The following PROM1 variants were observed in gnomAD, a reference collection of about 807,000 sequenced individuals.
The protein encoded by PROM1 is prominin 1.
In PROM1, 105 loss-of-function variants were observed where a neutral mutation model predicts 116.9. That is an observed-to-expected ratio of 0.90 (90% CI 0.77 to 1.06). The LOEUF (loss-of-function observed/expected upper bound fraction) is 1.06. Ranked by LOEUF, PROM1 falls within the 50% of genes least tolerant of loss-of-function variation. The probability of loss-of-function intolerance (pLI) is 0.00; values close to 1 mark genes in which losing one functional copy is unlikely to be tolerated. For synonymous variants in PROM1, 393 were observed against 387.0 expected, an observed-to-expected ratio of 1.02 and a Z score of -0.18; for missense variants, 1,122 against 1,045.2, an observed-to-expected ratio of 1.07 and a Z score of -1.01.
chr4:15,998,621 C>G, intron 14 of PROM1, 133 bp from the exon 15 acceptor site: 1 of 967,546 alleles, frequency 1.0e-6, no homozygotes. Context: ...TGATTTCCAA[C>G]TTATAACTAG....
chr4:16,013,302 G>A lies in PROM1; in HGVS notation c.1114C>T (p.Gln372Ter). The A allele has an allele frequency of 6.2e-7, 1 of 1,609,280 alleles. No homozygotes were observed. ...GCTACGACAGTCGTGGTTTGGCGTTGTACTCTGTCAGGTATATCATTAAGG... is the reference window on the plus strand; with the variant it reads ...GCTACGACAGTCGTGGTTTGGCGTTATACTCTGTCAGGTATATCATTAAGG... ...QSLNDIPDRV[Q>*]RQTTTVVAGI... is the part of the protein sequence containing the mutation. The change falls in exon 11 of 28, where the codon CAA becomes TAA. Residue 372 changes from glutamine (Q) to a stop codon, truncating the protein, a stop_gained. Transcript: ENST00000447510. LOFTEE classifies it high-confidence loss of function.
chr4:16,056,974 A>G (rs951544018), intron 2 of PROM1, among the ~76,000 whole-genome samples: 8 of 152,208 alleles, frequency 5.3e-5, no homozygotes, highest in African/African-American at 1.9e-4. Context: ...CGAGCAAATT[A>G]GTCTTCAGGA....
chr4:16,081,049 ATATATG>A (rs905371955), intron 1 of PROM1, among the ~76,000 whole-genome samples: 29 of 150,192 alleles, frequency 1.9e-4, no homozygotes, highest in Non-Finnish European at 3.4e-4. Flanking sequence ...ATATACATAT[ATATATG>A]TATATGTATA....
At chr4:16,028,082 G>A (rs1274980936) in intron 5 of PROM1, among the ~76,000 whole-genome samples, 2 of 139,598 alleles carry the variant, frequency 1.4e-5, no homozygotes, top group Admixed American at 6.8e-5. Context: ...TTGGGACACC[G>A]ACATGGGATA....
intron 2 of PROM1, among the ~76,000 whole-genome samples, chr4:16,054,681 T>C (rs1382782214): frequency 1.3e-5 from 2 of 152,192 alleles, no homozygotes; most frequent in African/African-American, 4.8e-5. Context: ...CCAATACATA[T>C]TGAGCAATTA....
At chr4:15,974,080 T>G (rs1478010264) in intron 26 of PROM1, among the ~76,000 whole-genome samples, 1 of 148,226 alleles carries the variant, frequency 6.7e-6, no homozygotes, top group Non-Finnish European at 1.5e-5. Flanking sequence ...CACACACACA[T>G]ACAGACACAC....
intron 19 of PROM1, among the ~76,000 whole-genome samples, chr4:15,988,395 G>A (rs1173655861): frequency 6.6e-6 from 1 of 152,236 alleles, no homozygotes; most frequent in Non-Finnish European, 1.5e-5. Flanking sequence ...AACTTTATCT[G>A]TAAAACACCA....
At chr4:16,045,877 G>T (rs772216268) in intron 2 of PROM1, among the ~76,000 whole-genome samples, 3 of 152,144 alleles carry the variant, frequency 2.0e-5, no homozygotes, top group Non-Finnish European at 2.9e-5. Context: ...CTCATTCATG[G>T]TCTACAAAGC....
intron 13 of PROM1, among the ~76,000 whole-genome samples, chr4:16,002,203 G>T (rs750103373): frequency 4.0e-5 from 6 of 151,842 alleles, no homozygotes; most frequent in Non-Finnish European, 5.9e-5. Context: ...AGTGTGGGGG[G>T]TGTCGAAAAA....
At chr4:16,056,027 T>C (rs1453030868) in intron 2 of PROM1, among the ~76,000 whole-genome samples, 2 of 151,440 alleles carry the variant, frequency 1.3e-5, no homozygotes, top group Admixed American at 6.6e-5. Context: ...CAGAGGAGAG[T>C]TCAGGGTAGA....
chr4:16,049,543 C>G (rs1442453224), intron 2 of PROM1, among the ~76,000 whole-genome samples: 1 of 152,100 alleles, frequency 6.6e-6, no homozygotes. Context: ...CACTTCTTGA[C>G]AAAACAAAGT....
At chr4:16,051,517 G>A (rs1737882206) in intron 2 of PROM1, among the ~76,000 whole-genome samples, 1 of 152,192 alleles carries the variant, frequency 6.6e-6, no homozygotes, top group East Asian at 1.9e-4. Flanking sequence ...CACCTATTGT[G>A]TGCCAAGCCC....
At chr4:16,041,277 T>C (rs1177530851) in intron 2 of PROM1, among the ~76,000 whole-genome samples, 3 of 152,246 alleles carry the variant, frequency 2.0e-5, no homozygotes, top group Admixed American at 6.5e-5. Flanking sequence ...TTAAGAAGGC[T>C]CTTGATAAAG....
chr4:15,987,243 C>A lies in PROM1; in HGVS notation c.2130+420G>T, dbSNP rs551972631. On this transcript the variant is annotated intron_variant, in intron 20 of 27. Transcript: ENST00000447510. ...TCCTCCACTATGAGGACATGAGGTG[C>A]CCCAGACAGGAGCTGCTCCTTCAGG... Among the ~76,000 whole-genome samples, 150 of 152,304 alleles carry A rather than the reference C, an allele frequency of 9.8e-4. 1 individual carries two copies. Among genetic ancestry groups the A allele is most frequent in the African/African-American group, 3.5e-3 (145 of 41,558 alleles).
intron 23 of PROM1, among the ~76,000 whole-genome samples, chr4:15,982,337 C>T (rs1718180719): frequency 6.6e-6 from 1 of 152,218 alleles, no homozygotes; most frequent in Non-Finnish European, 1.5e-5. Context: ...CTCTTGGCTC[C>T]TAACTTCCAG....
In PROM1 at chr4:16,016,163, T is replaced by C; in HGVS notation, c.1077+3A>G. On this transcript the variant is annotated splice_donor_region_variant and intron_variant, in intron 10 of 27. Transcript: ENST00000447510. ...AGTGATTGTATTTTTTCCAAAAGCA[T>C]ACCTGTTGGACCAGGCCATCCAAAT... is the stretch of plus-strand genomic sequence containing the variant. The C allele has an allele frequency of 1.3e-6, 2 of 1,552,266 alleles. No homozygotes were observed. Among genetic ancestry groups the C allele is most frequent in the Non-Finnish European group, 1.7e-6 (2 of 1,146,710 alleles).
intron 2 of PROM1, among the ~76,000 whole-genome samples, chr4:16,070,951 G>C (rs958015453): frequency 3.3e-5 from 5 of 152,168 alleles, no homozygotes; most frequent in African/African-American, 1.2e-4. Flanking sequence ...CAAATTGATT[G>C]TAACTGTAAT....
chr4:15,989,550 G>C (rs1720424802), intron 19 of PROM1, among the ~76,000 whole-genome samples, 182 bp downstream of exon 19: 1 of 152,224 alleles, frequency 6.6e-6, no homozygotes, highest in Non-Finnish European at 1.5e-5. Flanking sequence ...AAACGGAAGG[G>C]AATAAGCAGC....
chr4:15,999,253 C>T (rs888578867), intron 14 of PROM1, among the ~76,000 whole-genome samples: 3 of 151,812 alleles, frequency 2.0e-5, no homozygotes, highest in Non-Finnish European at 4.4e-5. Flanking sequence ...GGGCAGATCA[C>T]GAGGTCAGGA....
Sources: gnomAD v4.1 joint callset for allele counts (sites outside exome capture counted in the v4.1 genomes callset) on GRCh38, gnomAD v4.1.1 for gene constraint, MANE v1.5 for transcripts, NCBI Gene and HGNC (gene_info 2026-07-23, HGNC 2026-07-21) for gene names.